PDE7A: variants seen among roughly 807,000 people sequenced by gnomAD.
PDE7A encodes the protein phosphodiesterase 7A, also known as high affinity 3',5'-cyclic-AMP phosphodiesterase 7A.
In PDE7A, 39 loss-of-function variants were observed where a neutral mutation model predicts 64.3. The observed-to-expected ratio is 0.61, with a 90% CI of 0.47 to 0.79. PDE7A has a LOEUF of 0.79. Ranked by LOEUF, PDE7A falls within the 30% of genes least tolerant of loss-of-function variation. PDE7A has a pLI of 0.00. For missense variants in PDE7A, 470 were observed against 582.8 expected (o/e 0.81, Z 1.99); for synonymous variants, 203 against 206.8 (o/e 0.98, Z 0.16).
At chr8:65,807,834 A>G (rs1810146924) in intron 1 of PDE7A, among the ~76,000 whole-genome samples, 1 of 152,192 alleles carries the variant, frequency 6.6e-6, no homozygotes, top group African/African-American at 2.4e-5. Flanking sequence ...TCAGTAGCAA[A>G]AGAGACAGAA....
intron 1 of PDE7A, among the ~76,000 whole-genome samples, chr8:65,817,752 GTTTT>G (rs145545830): frequency 1.8e-5 from 2 of 110,012 alleles, no homozygotes; most frequent in Admixed American, 9.1e-5. Flanking sequence ...ATCAAGGAGT[GTTTT>G]TTTTTTTTTT....
chr8:65,805,410 A>C (rs748911633), intron 1 of PDE7A, among the ~76,000 whole-genome samples: 1 of 152,240 alleles, frequency 6.6e-6, no homozygotes, highest in African/African-American at 2.4e-5. Flanking sequence ...TTAATTGAGC[A>C]GCAGAGATTA....
chr8:65,725,006 A>AGGCT lies in PDE7A; in HGVS notation c.921-89_921-86dup, dbSNP rs1337524229. The AGGCT allele has an allele frequency of 2.3e-5, 18 of 775,622 alleles. No homozygotes were observed. The East Asian group carries it at 4.5e-4, about 19-fold the overall frequency. The allele number at this position is 775,622 out of a possible 1,614,324, so 48.0% of individuals were successfully genotyped here. On this transcript the variant is annotated intron_variant, in intron 9 of 12. Coordinates refer to ENST00000401827, the MANE Select transcript of PDE7A (RefSeq NM_001242318.3). Reference sequence around the variant, plus strand: ...TTTTTTCTTAACCATAATAATCGGAAGGCTTTATAGAACCCTAAAATATCC... The same window carrying AGGCT: ...TTTTTTCTTAACCATAATAATCGGAAGGCTGGCTTTATAGAACCCTAAAATATCC...
chr8:65,733,494 C>A (rs1806991467), intron 7 of PDE7A, among the ~76,000 whole-genome samples: 1 of 152,076 alleles, frequency 6.6e-6, no homozygotes, highest in African/African-American at 2.4e-5. Context: ...TAGAGTGAGA[C>A]CCTGTCTCTA....
At chr8:65,778,337 G>A (rs181980819) in intron 3 of PDE7A, among the ~76,000 whole-genome samples, 163 of 152,326 alleles carry the variant, frequency 1.1e-3, no homozygotes, top group Middle Eastern at 0.01. Context: ...CATTTATGGA[G>A]AGAGAAAAAT....
At chr8:65,801,015 CAGAT>C (rs1809973054) in intron 1 of PDE7A, among the ~76,000 whole-genome samples, 1 of 152,146 alleles carries the variant, frequency 6.6e-6, no homozygotes, top group Admixed American at 6.5e-5. Context: ...GTGGCAGAAT[CAGAT>C]AGAGTCGTGC....
At chr8:65,795,702 G>C (rs912436633) in intron 1 of PDE7A, among the ~76,000 whole-genome samples, 1 of 152,112 alleles carries the variant, frequency 6.6e-6, no homozygotes, top group African/African-American at 2.4e-5. Flanking sequence ...AGCGTAAAGG[G>C]ATCAGGTGGA....
intron 1 of PDE7A, among the ~76,000 whole-genome samples, chr8:65,814,803 G>A (rs1399964311): frequency 6.6e-6 from 1 of 151,926 alleles, no homozygotes; most frequent in Non-Finnish European, 1.5e-5. Context: ...TCAGGAGATC[G>A]AGACCAGCCT....
chr8:65,788,968 ATC>A (rs765868057), intron 1 of PDE7A: 5 of 1,609,878 alleles, frequency 3.1e-6, no homozygotes, highest in Admixed American at 3.3e-5. Context: ...CCGCTGCATA[ATC>A]TCTCTCTTCT....
chr8:65,773,657 T>G (rs1308325868), intron 3 of PDE7A, among the ~76,000 whole-genome samples: 1 of 152,234 alleles, frequency 6.6e-6, no homozygotes, highest in African/African-American at 2.4e-5. Context: ...TCTTTATTAC[T>G]AACATTGATA....
At chr8:65,731,958 C>CATTCTCTATATTATTATTATTATTATT (rs1192865490) in intron 7 of PDE7A, among the ~76,000 whole-genome samples, 15 of 151,824 alleles carry the variant, frequency 9.9e-5, no homozygotes, top group South Asian at 6.3e-4. Flanking sequence ...TCCACCTGGT[C>CATTCTCTATATTATTATTATTATTATT]ATTCTCTATA....
chr8:65,729,363 G>GTT (rs1806741828), intron 7 of PDE7A, among the ~76,000 whole-genome samples: 1 of 85,832 alleles, frequency 1.2e-5, no homozygotes, highest in Non-Finnish European at 2.2e-5. Flanking sequence ...GTTGGTGGTA[G>GTT]CTTTTTTTTT....
intron 1 of PDE7A, among the ~76,000 whole-genome samples, chr8:65,783,864 T>C (rs1287364287): frequency 6.6e-6 from 1 of 152,156 alleles, no homozygotes; most frequent in Non-Finnish European, 1.5e-5. Context: ...AGGATAGATT[T>C]AAAAATGAGG....
Position 65,734,724 on chromosome 8 carries a change from G to A in PDE7A, c.696+70C>T, listed in dbSNP as rs1448084605. 1.2e-5 allele frequency: 10 copies of A among 838,966 alleles called. No individual in the cohort carries two copies. In the Admixed American group the frequency reaches 1.8e-4, roughly 15 times the overall value. The allele number at this position is 838,966 out of a possible 1,614,324, so 52.0% of individuals were successfully genotyped here. A position where few individuals can be genotyped will look rare whatever the true frequency, so the allele number is the denominator to read the frequency against. ...TTCAGTCAAAGCAGTAACTTCAGGA[G>A]AAGTATGTGAAAGTAAATCAAAAGG... On this transcript the variant is annotated intron_variant, in intron 7 of 12. Transcript: ENST00000401827.
At chr8:65,759,712 G>A (rs1385499989) in intron 3 of PDE7A, among the ~76,000 whole-genome samples, 3 of 152,028 alleles carry the variant, frequency 2.0e-5, no homozygotes, top group South Asian at 2.1e-4. Context: ...TTCTTTTAAA[G>A]GGGGTTTTTC....
intron 1 of PDE7A, among the ~76,000 whole-genome samples, chr8:65,817,001 T>C (rs1207115725): frequency 6.6e-6 from 1 of 152,250 alleles, no homozygotes; most frequent in Non-Finnish European, 1.5e-5. Flanking sequence ...TTCAATTTTC[T>C]TCCATCCTTT....
At chr8:65,727,005 T>C in intron 8 of PDE7A, 39 bp from the exon 9 acceptor site, 1 of 1,180,176 alleles carries the variant, frequency 8.5e-7, no homozygotes, top group Non-Finnish European at 1.3e-6. Context: ...TAATGATACG[T>C]CTCTTTCTGG....
At chr8:65,776,493 A>G (rs1175673201) in intron 3 of PDE7A, among the ~76,000 whole-genome samples, 1 of 152,200 alleles carries the variant, frequency 6.6e-6, no homozygotes, top group Non-Finnish European at 1.5e-5. Context: ...TTAGGAAAGA[A>G]GAAAAACTGG....
chr8:65,834,226 T>C (rs1264985765), intron 1 of PDE7A, among the ~76,000 whole-genome samples: 1 of 152,212 alleles, frequency 6.6e-6, no homozygotes, highest in Non-Finnish European at 1.5e-5. Flanking sequence ...ATGAGGTTCA[T>C]GAAGACCTTT....
Sources: allele counts gnomAD v4.1 joint callset (sites outside exome capture counted in the v4.1 genomes callset), GRCh38; gene constraint gnomAD v4.1.1; transcripts MANE v1.5; gene names NCBI Gene and HGNC (gene_info 2026-07-23, HGNC 2026-07-21).